The following SPATC1 variants were observed in gnomAD, a reference collection of about 807,000 sequenced individuals.
The protein encoded by SPATC1 is speriolin.
SPATC1 carries 35 observed loss-of-function variants against 36.5 expected under a neutral mutation model. The ratio of observed to expected loss-of-function variants is 0.96; its 90% CI spans 0.73 to 1.27. The LOEUF (loss-of-function observed/expected upper bound fraction) is 1.27, where lower values mean the gene tolerates loss of function less well. Among genes scored for constraint, SPATC1 ranks in the 50% most tolerant of loss-of-function variants. The probability of loss-of-function intolerance (pLI) is 0.00; values close to 1 mark genes in which losing one functional copy is unlikely to be tolerated. For synonymous variants in SPATC1, 361 were observed against 353.6 expected (o/e 1.02, Z -0.24); for missense variants, 779 against 796.0 (o/e 0.98, Z 0.26).
rs950588558 is a variant in SPATC1 at position 144,046,511 on chromosome 8, C to T, written c.1447-116C>T. 3 of 970,764 alleles carry T rather than the reference C, an allele frequency of 3.1e-6. No individual in the cohort carries two copies. In the African/African-American group the frequency reaches 4.9e-5, roughly 16 times the overall value. The allele number at this position is 970,764 out of a possible 1,614,324, so 60.1% of individuals were successfully genotyped here. On this transcript the variant is annotated intron_variant, in intron 4 of 4. Coordinates refer to ENST00000377470, the MANE Select transcript of SPATC1 (RefSeq NM_198572.3). This position sits in a 1 kb window ranked among gnomAD's most constrained non-coding sequence, Gnocchi z 6.6. ...GGTCTGTCGCAGAACCTCCCCACCG[C>T]ACACCCCTCGGATCCTGGCCATCTC...
intron 1 of SPATC1, among the ~76,000 whole-genome samples, chr8:144,026,838 C>T (rs1473737736): frequency 7.3e-6 from 1 of 136,244 alleles, no homozygotes; most frequent in Non-Finnish European, 1.5e-5. Context: ...GACGGAGTCT[C>T]GCTCTGTTGC....
rs781970026 is a variant in SPATC1 at position 144,041,138 on chromosome 8, G to A, written c.1306+31G>A. 56 of 1,583,612 alleles carry A rather than the reference G, an allele frequency of 3.5e-5. No individual in the cohort carries two copies. In the African/African-American group the frequency reaches 4.2e-4, roughly 12 times the overall value. ...TGACACTGCGGGCTCCACGCGGGTC[G>A]GGCCCCCAGGCCCTCTCCCTGCCGC... On this transcript the variant is annotated intron_variant, in intron 3 of 4. Transcript: ENST00000377470.
intron 4 of SPATC1, among the ~76,000 whole-genome samples, chr8:144,042,842 T>C (rs547467470): frequency 6.6e-6 from 1 of 152,018 alleles, no homozygotes; most frequent in East Asian, 1.9e-4. Flanking sequence ...CTTCACGGCC[T>C]TTCCCTATTG....
chr8:144,033,651 CA>C (rs1415668769), intron 1 of SPATC1, among the ~76,000 whole-genome samples: 1 of 152,180 alleles, frequency 6.6e-6, no homozygotes, highest in Non-Finnish European at 1.5e-5. Flanking sequence ...AAGGGAAAGA[CA>C]AATGCAGCAC....
In SPATC1 at chr8:144,031,356, A is replaced by G. The variant is rs954302404; in HGVS notation, c.212-8553A>G. On this transcript the variant is annotated intron_variant, in intron 1 of 4. Transcript: ENST00000377470. ...GTCAAACCACTACCTTCTGGCCTTC[A>G]TAGTTTCTGATGAAAATTTTGCTGT... Among the ~76,000 whole-genome samples, 148 of 151,942 alleles carry G rather than the reference A, an allele frequency of 9.7e-4. 1 individual carries two copies. Among genetic ancestry groups the G allele is most frequent in the Admixed American group, 3.9e-4 (6 of 15,252 alleles).
upstream of SPATC1, among the ~76,000 whole-genome samples, chr8:144,011,274 A>G (rs1339289075): frequency 6.6e-6 from 1 of 152,126 alleles, no homozygotes; most frequent in Admixed American, 6.5e-5. The surrounding 1 kb of genome is among the most constrained non-coding windows in gnomAD (Gnocchi z 4.5). Flanking sequence ...GGGTGACTGA[A>G]GAGACCTCAA....
chr8:144,044,950 AAAC>A (rs1184219019), intron 4 of SPATC1, among the ~76,000 whole-genome samples: 6 of 152,180 alleles, frequency 3.9e-5, no homozygotes, highest in Admixed American at 6.5e-5. Flanking sequence ...CTCCGTCTCA[AAAC>A]AACAACAAAA....
intron 1 of SPATC1, among the ~76,000 whole-genome samples, chr8:144,038,886 A>G (rs1289384844): frequency 6.6e-6 from 1 of 152,194 alleles, no homozygotes; most frequent in Non-Finnish European, 1.5e-5. Flanking sequence ...CGGTTGCAAC[A>G]GAGACCATAT....
intron 4 of SPATC1, among the ~76,000 whole-genome samples, chr8:144,044,692 A>AT (rs1487670612): frequency 6.6e-6 from 1 of 151,748 alleles, no homozygotes; most frequent in East Asian, 2.0e-4. Context: ...CACGCCTGTC[A>AT]TCCCAGCACT....
chr8:144,038,362 G>A (rs1423401336), intron 1 of SPATC1, among the ~76,000 whole-genome samples: 2 of 150,950 alleles, frequency 1.3e-5, no homozygotes, highest in Admixed American at 6.6e-5. Context: ...GAACCCGGGA[G>A]GCAGAGGTTG....
chr8:144,030,032 T>C (rs1443571585), intron 1 of SPATC1, among the ~76,000 whole-genome samples: 3 of 152,264 alleles, frequency 2.0e-5, no homozygotes, highest in East Asian at 1.9e-4. Context: ...GAAACTTTTA[T>C]TAATATATAA....
intron 1 of SPATC1, 143 bp downstream of exon 1, chr8:144,012,869 C>G: frequency 3.5e-6 from 3 of 846,204 alleles, no homozygotes; most frequent in Non-Finnish European, 5.6e-6. Flanking sequence ...CTCAGCTCAC[C>G]AGACAATGTG....
At chr8:144,020,363 G>A (rs1334683919) in intron 1 of SPATC1, among the ~76,000 whole-genome samples, 2 of 115,026 alleles carry the variant, frequency 1.7e-5, no homozygotes, top group Non-Finnish European at 3.7e-5. Context: ...CCTTTCCCCC[G>A]AGGACTACCT....
Position 144,040,817 on chromosome 8 carries a change from C to A in SPATC1, c.1016C>A (p.Pro339His). Residue 339 changes from proline to histidine, a missense_variant, in exon 3 of 5, where the codon CCC becomes CAC. By Grantham distance (77) the Pro-to-His change is moderately conservative (BLOSUM62 -2). Coordinates refer to ENST00000377470, the MANE Select transcript of SPATC1 (RefSeq NM_198572.3). ...ACGGTCACCGTCCTTGCCTCTGCCCCCGCCCTTGCCCCCCAGGTTGCCACC... is the reference window on the plus strand; with the variant it reads ...ACGGTCACCGTCCTTGCCTCTGCCCACGCCCTTGCCCCCCAGGTTGCCACC... ...SPTVTVLASA[P>H]ALAPQVATSY... 6.4e-7 allele frequency: 1 copy of A among 1,552,298 alleles called. No individual in the cohort carries two copies. Among genetic ancestry groups the A allele is most frequent in the Non-Finnish European group, 8.7e-7 (1 of 1,149,346 alleles).
Position 144,012,433 on chromosome 8 carries a change from A to G in SPATC1, c.-83A>G. On this transcript the variant is annotated 5_prime_UTR_variant, in exon 1 of 5. Coordinates refer to ENST00000377470, the MANE Select transcript of SPATC1 (RefSeq NM_198572.3). ...CCTTGCAGACTCTGCACCCTCCTTCAGCCCAGGCAAGGCCTGGGGCCCTGG... is the reference window on the plus strand; with the variant it reads ...CCTTGCAGACTCTGCACCCTCCTTCGGCCCAGGCAAGGCCTGGGGCCCTGG... The G allele has an allele frequency of 8.1e-7, 1 of 1,241,916 alleles. No homozygotes were observed. The highest frequency in any genetic ancestry group is 1.1e-6 in the Non-Finnish European group (1 of 872,116). The allele number at this position is 1,241,916 out of a possible 1,614,324, so 76.9% of individuals were successfully genotyped here.
In SPATC1 at chr8:144,041,261, G is replaced by T; in HGVS notation, c.1336G>T (p.Val446Leu). The T allele has an allele frequency of 1.9e-6, 3 of 1,613,216 alleles. No individual in the cohort carries two copies. Among genetic ancestry groups the T allele is most frequent in the Non-Finnish European group, 2.5e-6 (3 of 1,179,998 alleles). The change falls in exon 4 of 5, where the codon GTG becomes TTG. Residue 446 changes from valine to leucine, a missense_variant. Coordinates refer to ENST00000377470, the MANE Select transcript of SPATC1 (RefSeq NM_198572.3). ...GAAGCAGCTGGCCTGGGAGAGGCTG[G>T]TGGGTGAGATTGCCTTCCAGCTGGA... ...ESKQLAWERL[V>L]GEIAFQLDRR...
intron 4 of SPATC1, among the ~76,000 whole-genome samples, chr8:144,043,306 T>G (rs1835167030): frequency 6.7e-6 from 1 of 148,420 alleles, no homozygotes; most frequent in Admixed American, 6.7e-5. Flanking sequence ...TACATTTTTT[T>G]TTTTTTGCTC....
At chr8:144,037,182 C>T (rs1376088486) in intron 1 of SPATC1, among the ~76,000 whole-genome samples, 2 of 134,684 alleles carry the variant, frequency 1.5e-5, no homozygotes, top group Admixed American at 7.2e-5. Context: ...CCGCCCCGTC[C>T]GGGAGGGAGG....
intron 4 of SPATC1, among the ~76,000 whole-genome samples, chr8:144,044,154 C>T (rs1005175097): frequency 2.6e-5 from 4 of 152,134 alleles, no homozygotes; most frequent in East Asian, 1.9e-4. Flanking sequence ...TCAGTAAATG[C>T]GTAAAGCAAT....
Sources: allele counts gnomAD v4.1 joint callset (sites outside exome capture counted in the v4.1 genomes callset), GRCh38; gene constraint gnomAD v4.1.1; non-coding constraint Gnocchi (gnomAD v3.1); transcripts MANE v1.5; gene names NCBI Gene and HGNC (gene_info 2026-07-23, HGNC 2026-07-21).